The following TM4SF20 variants were observed in gnomAD, a reference collection of about 807,000 sequenced individuals.
The protein encoded by TM4SF20 is transmembrane 4 L6 family member 20.
Under a neutral mutation model 15.1 loss-of-function variants are expected in TM4SF20, and 13 were observed. The observed-to-expected ratio is 0.86, with a 90% CI of 0.56 to 1.36. The LOEUF (loss-of-function observed/expected upper bound fraction) is 1.36, where lower values mean the gene tolerates loss of function less well. TM4SF20 is among the 40% of genes most tolerant of loss of function. TM4SF20 has a pLI of 0.00. For synonymous variants in TM4SF20, 92 were observed against 96.6 expected, an observed-to-expected ratio of 0.95 and a Z score of 0.28; for missense variants, 282 against 268.4, an observed-to-expected ratio of 1.05 and a Z score of -0.35.
chr2:227,362,511 C>T lies in TM4SF20; in HGVS notation c.*1213G>A, dbSNP rs1283946369. On this transcript the variant is annotated 3_prime_UTR_variant, in exon 4 of 4. Coordinates refer to ENST00000304568, the MANE Select transcript of TM4SF20 (RefSeq NM_024795.4). Reference sequence around the variant, plus strand: ...ATCCAGAATGCTCCGAGATCCAAAACTTTTTGAGCCAGTAACGTAACACCA... The same window carrying T: ...ATCCAGAATGCTCCGAGATCCAAAATTTTTTGAGCCAGTAACGTAACACCA... The T allele has an allele frequency of 6.6e-6, 1 of 152,136 alleles. No homozygotes were observed. Among genetic ancestry groups the T allele is most frequent in the Non-Finnish European group, 1.5e-5 (1 of 68,032 alleles). 9.4% of individuals were successfully genotyped at this position (152,136 alleles called of 1,614,324 possible).
At chr2:227,376,673 C>T (rs1311736946) in intron 1 of TM4SF20, among the ~76,000 whole-genome samples, 1 of 152,206 alleles carries the variant, frequency 6.6e-6, no homozygotes. Context: ...TTTCTATAAT[C>T]TTTCTGTGAC....
chr2:227,378,948 TA>T, intron 1 of TM4SF20, 137 bp downstream of exon 1: 1 of 768,612 alleles, frequency 1.3e-6, no homozygotes, highest in Non-Finnish European at 2.1e-6. Flanking sequence ...ATGACCAATA[TA>T]AATTAATGCC....
intron 1 of TM4SF20, among the ~76,000 whole-genome samples, chr2:227,374,219 A>T (rs2076435484): frequency 6.6e-6 from 1 of 152,142 alleles, no homozygotes; most frequent in South Asian, 2.1e-4. Flanking sequence ...AGAGTTACTA[A>T]ATATTTCCTT....
chr2:227,367,920 A>G (rs2076400639), intron 2 of TM4SF20, among the ~76,000 whole-genome samples: 1 of 151,784 alleles, frequency 6.6e-6, no homozygotes, highest in Admixed American at 6.6e-5. Context: ...ATGGATTTGG[A>G]GTCTACTTCA....
intron 1 of TM4SF20, among the ~76,000 whole-genome samples, chr2:227,372,932 G>T (rs1461791147): frequency 6.6e-6 from 1 of 152,030 alleles, no homozygotes; most frequent in African/African-American, 2.4e-5. Context: ...TGTTGCCCAG[G>T]CTGGTCTCGA....
intron 2 of TM4SF20, among the ~76,000 whole-genome samples, chr2:227,370,369 G>A (rs959598610): frequency 1.3e-4 from 19 of 149,714 alleles, no homozygotes; most frequent in African/African-American, 3.6e-4. Flanking sequence ...GACAATCCAC[G>A]GAAGACTGAG....
chr2:227,370,618 C>T (rs1231545807), intron 2 of TM4SF20, among the ~76,000 whole-genome samples: 4 of 151,988 alleles, frequency 2.6e-5, no homozygotes, highest in Non-Finnish European at 4.4e-5. Context: ...ATTAGCTGGG[C>T]GTGATGGTGT....
intron 1 of TM4SF20, among the ~76,000 whole-genome samples, chr2:227,373,271 T>A (rs1481338663): frequency 6.6e-6 from 1 of 152,216 alleles, no homozygotes; most frequent in Non-Finnish European, 1.5e-5. Flanking sequence ...ACTGCCTCCA[T>A]GTCACTTTGT....
chr2:227,378,946 T>C, intron 1 of TM4SF20, 140 bp downstream of exon 1: 1 of 752,210 alleles, frequency 1.3e-6, no homozygotes, highest in Non-Finnish European at 2.1e-6. Context: ...TGATGACCAA[T>C]ATAAATTAAT....
intron 3 of TM4SF20, among the ~76,000 whole-genome samples, chr2:227,364,572 T>A (rs1048162882): frequency 1.3e-5 from 2 of 152,252 alleles, no homozygotes. Flanking sequence ...GATGATTTTT[T>A]GTTTGTTTAC....
chr2:227,366,658 G>A (rs868534229), intron 2 of TM4SF20, among the ~76,000 whole-genome samples: 1 of 136,292 alleles, frequency 7.3e-6, no homozygotes. Context: ...GAACCCGGGA[G>A]GCAGTCATCC....
At chr2:227,371,334 A>G (rs2076420253) in intron 1 of TM4SF20, among the ~76,000 whole-genome samples, 1 of 152,212 alleles carries the variant, frequency 6.6e-6, no homozygotes, top group Non-Finnish European at 1.5e-5. Flanking sequence ...TGCATCATCC[A>G]AACTCTGTTG....
intron 3 of TM4SF20, among the ~76,000 whole-genome samples, chr2:227,365,665 ATGGT>A (rs1301544565): frequency 1.3e-5 from 2 of 152,154 alleles, no homozygotes; most frequent in African/African-American, 4.8e-5. Context: ...ATATTTGCTC[ATGGT>A]TGACAAATTT....
Position 227,370,980 on chromosome 2 carries a change from C to T in TM4SF20, c.184G>A (p.Ala62Thr), listed in dbSNP as rs778502497. ...AAGGACATTGTTGTTGCTGGAATGG[C>T]CTGGAAATGACATCAACAGGAAAGA... ...FPGIIGAGLM[A>T]IPATTMSLTA... The change falls in exon 2 of 4, where the codon GCC becomes ACC. Residue 62 changes from alanine (A) to threonine (T), a missense_variant and splice_region_variant. Ala to Thr is a moderately conservative substitution (Grantham distance 58). Transcript: ENST00000304568. The T allele has an allele frequency of 2.2e-5, 36 of 1,613,594 alleles. No homozygotes were observed. Among genetic ancestry groups the T allele is most frequent in the Non-Finnish European group, 3.1e-5 (36 of 1,179,702 alleles).
chr2:227,369,786 T>C lies in TM4SF20; in HGVS notation c.249+1129A>G, dbSNP rs149547773. 5.0e-3 allele frequency among the ~76,000 whole-genome samples: 769 copies of C among 152,286 alleles called. 6 individuals carry two copies. Among genetic ancestry groups the C allele is most frequent in the Middle Eastern group, 0.037 (11 of 294 alleles). On this transcript the variant is annotated intron_variant, in intron 2 of 3. Transcript: ENST00000304568. ...CTCAGCCAAGCAGATTTACTGTGAC[T>C]GCTTGCTGTCAATCTACCCCTTCCA...
chr2:227,379,466 G>A, upstream of TM4SF20: 1 of 466,390 alleles, frequency 2.1e-6, no homozygotes, highest in Admixed American at 3.8e-5. Context: ...TTATGATGAG[G>A]TGAAGGAAGG....
At chr2:227,365,559 T>C (rs1168033031) in intron 3 of TM4SF20, among the ~76,000 whole-genome samples, 1 of 152,236 alleles carries the variant, frequency 6.6e-6, no homozygotes, top group Non-Finnish European at 1.5e-5. Flanking sequence ...AGCATATCTG[T>C]ATGAATCCAT....
At chr2:227,379,414 T>A, upstream of TM4SF20, 1 of 588,396 alleles carries the variant, frequency 1.7e-6, no homozygotes, top group Non-Finnish European at 2.8e-6. Flanking sequence ...GGTAGGACAT[T>A]ATTATGATGA....
chr2:227,367,647 G>A (rs780780688), intron 2 of TM4SF20, among the ~76,000 whole-genome samples: 35 of 152,280 alleles, frequency 2.3e-4, no homozygotes, highest in Non-Finnish European at 4.4e-4. Context: ...GCTCCCACAG[G>A]GTCTGTGTGT....
Sources: gnomAD v4.1 joint callset for allele counts (sites outside exome capture counted in the v4.1 genomes callset) on GRCh38, gnomAD v4.1.1 for gene constraint, MANE v1.5 for transcripts, NCBI Gene and HGNC (gene_info 2026-07-23, HGNC 2026-07-21) for gene names.